USP42: variants seen among roughly 807,000 people sequenced by gnomAD.
USP42 encodes the protein ubiquitin specific peptidase 42.
Under a neutral mutation model 113.0 loss-of-function variants are expected in USP42, and 23 were observed. The ratio of observed to expected loss-of-function variants is 0.20; its 90% CI spans 0.15 to 0.29. The LOEUF (loss-of-function observed/expected upper bound fraction) is 0.29, where lower values mean the gene tolerates loss of function less well. Ranked by LOEUF, USP42 falls within the 10% of genes least tolerant of loss-of-function variation. USP42 has a pLI of 1.00. For missense variants in USP42, 2,174 were observed against 1,779.8 expected, an observed-to-expected ratio of 1.22 and a Z score of -3.99; for synonymous variants, 933 against 699.0, an observed-to-expected ratio of 1.33 and a Z score of -5.28.
At chr7:6,108,728 C>T (rs1164958752) in intron 1 of USP42, among the ~76,000 whole-genome samples, 1 of 152,182 alleles carries the variant, frequency 6.6e-6, no homozygotes, top group Non-Finnish European at 1.5e-5. Context: ...ATCCACCCGC[C>T]TTGGCCTCCC....
In USP42 at chr7:6,145,573, G is replaced by A; in HGVS notation, c.1048G>A (p.Glu350Lys). The change falls in exon 10 of 18, where the codon GAG (glutamate) becomes AAG (lysine). Residue 350 changes from glutamate (E) to lysine (K), a missense_variant. Physicochemically the swap from Glu to Lys is moderately conservative, Grantham distance 56 (BLOSUM62 1). Coordinates refer to ENST00000306177, the MANE Select transcript of USP42 (RefSeq NM_032172.3). ...GCCATATATGTCTCAACCCAACGGAGAGCCAATTGTCTACGTCTTGTATGC... is the reference window on the plus strand; with the variant it reads ...GCCATATATGTCTCAACCCAACGGAAAGCCAATTGTCTACGTCTTGTATGC... ...IRPYMSQPNG[E>K]PIVYVLYAVL... 6.2e-7 allele frequency: 1 copy of A among 1,613,986 alleles called. No homozygotes were observed. The highest frequency in any genetic ancestry group is 8.5e-7 in the Non-Finnish European group (1 of 1,179,896).
At chr7:6,112,868 G>A (rs191640534) in intron 2 of USP42, among the ~76,000 whole-genome samples, 2 of 149,352 alleles carry the variant, frequency 1.3e-5, no homozygotes, top group Admixed American at 1.3e-4. Flanking sequence ...TAGTTTGATC[G>A]CCATGTTGTT....
chr7:6,152,009 A>G (rs1404662372), intron 14 of USP42, among the ~76,000 whole-genome samples: 1 of 152,144 alleles, frequency 6.6e-6, no homozygotes, highest in African/African-American at 2.4e-5. Context: ...GAAATTATAG[A>G]TAATAAAACC....
chr7:6,154,130 C>T lies in USP42; in HGVS notation c.2576C>T (p.Pro859Leu), dbSNP rs775947852. Residue 859 changes from proline to leucine, a missense_variant, in exon 15 of 18, where the codon CCG (proline) becomes CTG (leucine). Transcript: ENST00000306177. ...GCCCCGGAAGGGTTGAGTCCGGCTC[C>T]GCCTGCGCGGTCGGAGGAGCCCTGC... is the stretch of plus-strand genomic sequence containing the variant. ...AEAPEGLSPA[P>L]PARSEEPCEQ... The T allele has an allele frequency of 1.4e-5, 22 of 1,598,578 alleles. No individual in the cohort carries two copies. The highest frequency in any genetic ancestry group is 1.7e-5 in the Admixed American group (1 of 59,602).
chr7:6,126,158 T>G (rs931004290), intron 3 of USP42, among the ~76,000 whole-genome samples: 3 of 152,244 alleles, frequency 2.0e-5, no homozygotes, highest in Non-Finnish European at 4.4e-5. Context: ...GTGAATTATA[T>G]AGTATGTAAC....
intron 14 of USP42, 38 bp downstream of exon 14, chr7:6,150,544 T>A: frequency 6.3e-7 from 1 of 1,578,616 alleles, no homozygotes; most frequent in Non-Finnish European, 8.7e-7. Context: ...TGTGGCAGCA[T>A]AGTAGGAAAT....
chr7:6,082,603 G>GTTTTTTTTTTTTTTTTTTT, the USP42 span, among the ~76,000 whole-genome samples: 4 of 90,196 alleles, frequency 4.4e-5, no homozygotes, highest in Non-Finnish European at 5.9e-5. Flanking sequence ...CTTTCTTTCT[G>GTTTTTTTTTTTTTTTTTTT]TTTTTTTTTT....
Position 6,159,549 on chromosome 7 carries a change from A to G in USP42, c.*36+56A>G. 2 of 1,542,434 alleles carry G rather than the reference A, an allele frequency of 1.3e-6. No individual in the cohort carries two copies. The highest frequency in any genetic ancestry group is 1.8e-6 in the Non-Finnish European group (2 of 1,118,268). ...GTTTGTGGTGGCGCTGAGGGGACGC[A>G]GGCAGAGGAGTTTTAATTCTGCGGC... On this transcript the variant is annotated intron_variant, in intron 17 of 17. Coordinates refer to ENST00000306177, the MANE Select transcript of USP42 (RefSeq NM_032172.3). This position sits in a 1 kb window ranked among gnomAD's most constrained non-coding sequence, Gnocchi z 4.1.
chr7:6,088,411 A>G, the USP42 span, among the ~76,000 whole-genome samples: 1 of 150,876 alleles, frequency 6.6e-6, no homozygotes, highest in African/African-American at 2.5e-5. Context: ...ACCCGCCACC[A>G]TGCCCAGCTA....
intron 13 of USP42, 29 bp from the exon 14 acceptor site, chr7:6,150,383 A>G: frequency 1.2e-6 from 2 of 1,612,278 alleles, no homozygotes; most frequent in Non-Finnish European, 8.5e-7. Flanking sequence ...CTGGCGACTG[A>G]AGCTGAAATA....
chr7:6,134,832 C>T (rs370274525), intron 3 of USP42, among the ~76,000 whole-genome samples: 1 of 152,146 alleles, frequency 6.6e-6, no homozygotes, highest in African/African-American at 2.4e-5. Flanking sequence ...GTTGCCCAGG[C>T]TGTAGTGCAG....
chr7:6,129,820 C>G (rs1174259947), intron 3 of USP42, among the ~76,000 whole-genome samples: 3 of 145,838 alleles, frequency 2.1e-5, no homozygotes, highest in Non-Finnish European at 4.5e-5. Flanking sequence ...AAGATCATGC[C>G]ATTGTACTCC....
At chr7:6,151,084 A>G (rs1782023208) in intron 14 of USP42, among the ~76,000 whole-genome samples, 1 of 152,198 alleles carries the variant, frequency 6.6e-6, no homozygotes, top group Non-Finnish European at 1.5e-5. Context: ...TTGTGTATCT[A>G]AACATAGAAA....
intron 3 of USP42, among the ~76,000 whole-genome samples, chr7:6,123,266 G>C (rs1224225402): frequency 6.6e-6 from 1 of 152,212 alleles, no homozygotes; most frequent in African/African-American, 2.4e-5. Flanking sequence ...GCTCATGCCT[G>C]TAATCCCAAC....
rs1213173426 is a variant in USP42, at chr7:6,158,615, A to C, written c.3944-835A>C. Among the ~76,000 whole-genome samples the C allele has an allele frequency of 1.3e-5, 2 of 152,184 alleles. No individual in the cohort carries two copies. Among genetic ancestry groups the C allele is most frequent in the Non-Finnish European group, 2.9e-5 (2 of 68,030 alleles). On this transcript the variant is annotated intron_variant, in intron 16 of 17. Transcript: ENST00000306177. This position sits in a 1 kb window ranked among gnomAD's most constrained non-coding sequence, Gnocchi z 4.2. ...ACATTTGCCCATGGAGTGCTGGGGA[A>C]ACAGCCGGAGATGAGGACAGGCACC...
chr7:6,134,036 G>A (rs936070154), intron 3 of USP42, among the ~76,000 whole-genome samples: 41 of 151,838 alleles, frequency 2.7e-4, no homozygotes, highest in African/African-American at 9.4e-4. Flanking sequence ...GACTACAGGT[G>A]CCCACCACCA....
Position 6,153,905 on chromosome 7 carries a change from C to T in USP42, c.2351C>T (p.Pro784Leu), listed in dbSNP as rs556918457. The T allele has an allele frequency of 2.5e-6, 4 of 1,594,102 alleles. No individual in the cohort carries two copies. The highest frequency in any genetic ancestry group is 1.8e-5 in the Admixed American group (1 of 57,064). Residue 784 changes from proline to leucine, a missense_variant, in exon 15 of 18, where the codon CCC becomes CTC. Physicochemically the swap from Pro to Leu is moderately conservative, Grantham distance 98. Coordinates refer to ENST00000306177, the MANE Select transcript of USP42 (RefSeq NM_032172.3). Reference sequence around the variant, plus strand: ...CCGCCGCCCCGCGATCCCGGCACCCCCGCTACCAAAGAAGGCGCCTGGGAG... The same window carrying T: ...CCGCCGCCCCGCGATCCCGGCACCCTCGCTACCAAAGAAGGCGCCTGGGAG... ...KAPPPRDPGT[P>L]ATKEGAWEAM...
intron 11 of USP42, among the ~76,000 whole-genome samples, chr7:6,146,580 C>G (rs1781728963): frequency 6.6e-6 from 1 of 152,014 alleles, no homozygotes; most frequent in Non-Finnish European, 1.5e-5. Context: ...GGGAGGATTA[C>G]CTGAGCCTGG....
At chr7:6,093,348 G>C in the USP42 span, among the ~76,000 whole-genome samples, 1 of 149,126 alleles carries the variant, frequency 6.7e-6, no homozygotes, top group Non-Finnish European at 1.5e-5. Flanking sequence ...TGCAGTGGCA[G>C]GATTTCAGCT....
Sources: gnomAD v4.1 joint callset for allele counts (sites outside exome capture counted in the v4.1 genomes callset) on GRCh38, gnomAD v4.1.1 for gene constraint, Gnocchi (gnomAD v3.1) non-coding constraint, MANE v1.5 for transcripts, NCBI Gene and HGNC (gene_info 2026-07-23, HGNC 2026-07-21) for gene names.